CEP55: variants seen among roughly 807,000 people sequenced by gnomAD.
The protein encoded by CEP55 is centrosomal protein of 55 kDa.
Under a neutral mutation model 63.2 loss-of-function variants are expected in CEP55, and 57 were observed. The observed-to-expected ratio is 0.90, with a 90% CI of 0.73 to 1.13. The LOEUF (loss-of-function observed/expected upper bound fraction) is 1.13. Ranked by LOEUF, CEP55 falls within the 50% of genes most tolerant of loss-of-function variation. The pLI, the probability that CEP55 is intolerant of heterozygous loss-of-function variation, is 0.00. For missense variants in CEP55, 456 were observed against 518.9 expected (o/e 0.88, Z 1.18); for synonymous variants, 178 against 191.6 (o/e 0.93, Z 0.59).
At chr10:93,525,452 G>C (rs2057912014) in intron 8 of CEP55, among the ~76,000 whole-genome samples, 1 of 152,186 alleles carries the variant, frequency 6.6e-6, no homozygotes, top group Non-Finnish European at 1.5e-5. Flanking sequence ...CAAACAAATG[G>C]AAGAACATTC....
chr10:93,506,911 G>A, intron 3 of CEP55, 77 bp from the exon 4 acceptor site: 2 of 930,842 alleles, frequency 2.1e-6, no homozygotes, highest in Admixed American at 1.7e-5. Flanking sequence ...GAGTTATACT[G>A]TATTATTATG....
intron 2 of CEP55, among the ~76,000 whole-genome samples, chr10:93,502,855 T>A (rs1304520708): frequency 6.6e-6 from 1 of 152,220 alleles, no homozygotes; most frequent in Non-Finnish European, 1.5e-5. Context: ...TAGAGGTGGT[T>A]TCTCCTTTCT....
At chr10:93,523,466 T>G (rs2057885540) in intron 8 of CEP55, among the ~76,000 whole-genome samples, 1 of 152,110 alleles carries the variant, frequency 6.6e-6, no homozygotes, top group Non-Finnish European at 1.5e-5. Flanking sequence ...AAAAAGAGAC[T>G]TAGACTCCCA....
At chr10:93,500,336 G>C (rs536950670) in intron 2 of CEP55, 102 bp downstream of exon 2, 5 of 989,056 alleles carry the variant, frequency 5.1e-6, no homozygotes, top group Non-Finnish European at 7.6e-6. Flanking sequence ...TCCCTGTCTT[G>C]TCCAGTTGAT....
At position 93,503,194 on chromosome 10, in the gene CEP55, G is replaced by C; in HGVS notation, c.265G>C (p.Asp89His). 1 of 1,614,024 alleles carries C rather than the reference G, an allele frequency of 6.2e-7. No individual in the cohort carries two copies. The highest frequency in any genetic ancestry group is 8.5e-7 in the Non-Finnish European group (1 of 1,179,910). Residue 89 changes from aspartate to histidine, a missense_variant, in exon 3 of 9, where the codon GAC becomes CAC. Coordinates refer to ENST00000371485, the MANE Select transcript of CEP55 (RefSeq NM_018131.5). ...GGACAAAGAAATACAGCGACTGAGAGACCAACTGAAGGCCAGATATAGTAC... is the reference window on the plus strand; with the variant it reads ...GGACAAAGAAATACAGCGACTGAGACACCAACTGAAGGCCAGATATAGTAC... ...EKDKEIQRLRDQLKARYSTTT... is the reference protein window; with the variant it reads ...EKDKEIQRLRHQLKARYSTTT...
At chr10:93,521,083 A>G (rs1589658058) in intron 8 of CEP55, among the ~76,000 whole-genome samples, 1 of 152,074 alleles carries the variant, frequency 6.6e-6, no homozygotes, top group Non-Finnish European at 1.5e-5. Context: ...TACTGGGTTC[A>G]TCTCAGTGGG....
At chr10:93,518,391 C>T (rs2057825254) in intron 6 of CEP55, among the ~76,000 whole-genome samples, 1 of 152,138 alleles carries the variant, frequency 6.6e-6, no homozygotes, top group South Asian at 2.1e-4. Context: ...CTCATGTGAT[C>T]CACCTGCCTT....
chr10:93,525,576 G>A (rs2057913005), intron 8 of CEP55, among the ~76,000 whole-genome samples: 1 of 151,864 alleles, frequency 6.6e-6, no homozygotes, highest in African/African-American at 2.4e-5. Flanking sequence ...CACAGAATTG[G>A]AAAAAACTAC....
chr10:93,519,014 T>G (rs564092455), intron 7 of CEP55, 66 bp downstream of exon 7: 1 of 1,164,556 alleles, frequency 8.6e-7, no homozygotes, highest in Non-Finnish European at 1.3e-6. Context: ...TCCTCATGTT[T>G]ATGCTGTTCT....
chr10:93,517,864 A>T (rs963131548), intron 6 of CEP55, among the ~76,000 whole-genome samples: 15 of 152,216 alleles, frequency 9.9e-5, no homozygotes, highest in African/African-American at 3.6e-4. Context: ...TTTGGAATCC[A>T]TGCCTAGTCT....
chr10:93,499,505 A>C (rs3758540), intron 1 of CEP55, among the ~76,000 whole-genome samples: 1 of 149,546 alleles, frequency 6.7e-6, no homozygotes, highest in South Asian at 2.1e-4. Context: ...CAAAACATAA[A>C]TGTACAAGTT....
intron 3 of CEP55, among the ~76,000 whole-genome samples, chr10:93,504,821 T>G (rs1288566680): frequency 6.6e-6 from 1 of 152,184 alleles, no homozygotes; most frequent in Non-Finnish European, 1.5e-5. Context: ...TTTTATTTAT[T>G]TTTTATTTTT....
intron 8 of CEP55, among the ~76,000 whole-genome samples, chr10:93,521,695 C>T (rs12242034): frequency 0.043 from 6,528 of 152,228 alleles, 397 homozygotes; most frequent in African/African-American, 0.13. Context: ...AGGCACCCCC[C>T]AGTAGGGGCA....
chr10:93,507,685 G>C (rs1365302623), intron 4 of CEP55, among the ~76,000 whole-genome samples: 1 of 152,062 alleles, frequency 6.6e-6, no homozygotes, highest in Non-Finnish European at 1.5e-5. Flanking sequence ...GTCTTGCTCT[G>C]TTGCCCAAGC....
At chr10:93,521,690 C>T (rs1447836826) in intron 8 of CEP55, among the ~76,000 whole-genome samples, 1 of 152,090 alleles carries the variant, frequency 6.6e-6, no homozygotes, top group Non-Finnish European at 1.5e-5. Context: ...CTGGGAGGCA[C>T]CCCCCAGTAG....
intron 6 of CEP55, among the ~76,000 whole-genome samples, chr10:93,518,603 C>T (rs552042070): frequency 2.5e-4 from 38 of 152,196 alleles, no homozygotes; most frequent in Non-Finnish European, 5.0e-4. Flanking sequence ...AGTGTCAGAA[C>T]CTCCAGGAAA....
At chr10:93,508,769 G>T (rs997458063) in intron 4 of CEP55, among the ~76,000 whole-genome samples, 4 of 152,082 alleles carry the variant, frequency 2.6e-5, no homozygotes, top group Admixed American at 6.6e-5. Flanking sequence ...ACTTTCTTGG[G>T]GTTGGGGGAG....
chr10:93,524,747 A>G (rs1355281278), intron 8 of CEP55, among the ~76,000 whole-genome samples: 2 of 152,234 alleles, frequency 1.3e-5, no homozygotes, highest in Non-Finnish European at 2.9e-5. Flanking sequence ...CATCATGATC[A>G]AGTGGGCATC....
Position 93,518,871 on chromosome 10 carries a change from C to T in CEP55, c.994-6C>T. 1.9e-6 allele frequency: 3 copies of T among 1,598,044 alleles called. No individual in the cohort carries two copies. The highest frequency in any genetic ancestry group is 2.6e-6 in the Non-Finnish European group (3 of 1,168,662). ...TGACAGCATTGGTTCTCTTTATGTC[C>T]TACAGGTCCAGTTTCTTTACACATC... On this transcript the variant is annotated splice_polypyrimidine_tract_variant and splice_region_variant and intron_variant, in intron 6 of 8. Transcript: ENST00000371485.
Sources: allele counts gnomAD v4.1 joint callset (sites outside exome capture counted in the v4.1 genomes callset), GRCh38; gene constraint gnomAD v4.1.1; transcripts MANE v1.5; gene names NCBI Gene and HGNC (gene_info 2026-07-23, HGNC 2026-07-21).